The following MAPK8IP3 variants were observed in gnomAD, a reference collection of about 807,000 sequenced individuals.
The protein encoded by MAPK8IP3 is C-Jun-amino-terminal kinase-interacting protein 3.
In MAPK8IP3, 49 loss-of-function variants were observed where a neutral mutation model predicts 157.8. The observed-to-expected ratio is 0.31, with a 90% CI of 0.25 to 0.39. The LOEUF (loss-of-function observed/expected upper bound fraction) is 0.39. Ranked by LOEUF, MAPK8IP3 falls within the 10% of genes least tolerant of loss-of-function variation. The pLI is 1.00. For missense variants in MAPK8IP3, 1,478 were observed against 1,889.4 expected (o/e 0.78, Z 4.04); for synonymous variants, 897 against 777.7 (o/e 1.15, Z -2.55).
At position 1,706,787 on chromosome 16, in the gene MAPK8IP3, C is replaced by T; in HGVS notation, c.318+130C>T. On this transcript the variant is annotated intron_variant, in intron 1 of 31. Coordinates refer to ENST00000610761, the MANE Select transcript of MAPK8IP3 (RefSeq NM_001318852.2). This position sits in a 1 kb window ranked among gnomAD's most constrained non-coding sequence, Gnocchi z 5.1. Reference sequence around the variant, plus strand: ...CCGGACCGCGGGACCCCTGGACCCCCAGACCCCGCCCCGAGACCCGCCTGG... The same window carrying T: ...CCGGACCGCGGGACCCCTGGACCCCTAGACCCCGCCCCGAGACCCGCCTGG... 1.9e-6 allele frequency: 2 copies of T among 1,038,108 alleles called. No homozygotes were observed. Among genetic ancestry groups the T allele is most frequent in the East Asian group, 5.7e-5 (2 of 35,226 alleles). The allele number at this position is 1,038,108 out of a possible 1,614,324, so 64.3% of individuals were successfully genotyped here.
Position 1,741,804 on chromosome 16 carries a change from C to T in MAPK8IP3, c.603-1528C>T, listed in dbSNP as rs1303102950. On this transcript the variant is annotated intron_variant, in intron 4 of 31. Transcript: ENST00000610761. The surrounding 1 kb of genome is among the most constrained non-coding windows in gnomAD (Gnocchi z 6.9). ...CAAGATGGCACAGCCCAGTCCCAGC[C>T]GGCCCTGGTTCCCTCGTGCTACAGG... Among the ~76,000 whole-genome samples the T allele has an allele frequency of 2.6e-5, 4 of 152,122 alleles. No homozygotes were observed. Among genetic ancestry groups the T allele is most frequent in the Admixed American group, 6.5e-5 (1 of 15,276 alleles).
chr16:1,769,555 T>C lies in MAPK8IP3; in HGVS notation c.*731T>C, dbSNP rs2042488178. The C allele has an allele frequency of 6.6e-6, 1 of 152,426 alleles. No homozygotes were observed. Among genetic ancestry groups the C allele is most frequent in the Non-Finnish European group, 1.5e-5 (1 of 68,124 alleles). The allele number at this position is 152,426 out of a possible 1,614,324, so 9.4% of individuals were successfully genotyped here. A position where few individuals can be genotyped will look rare whatever the true frequency, so the allele number is the denominator to read the frequency against. ...CGTTCTGACCCGTGTCCCCCCAGGC[T>C]CTGCCTGGGCAGAAGACTCACCTTG... On this transcript the variant is annotated 3_prime_UTR_variant, in exon 32 of 32. Coordinates refer to ENST00000610761, the MANE Select transcript of MAPK8IP3 (RefSeq NM_001318852.2).
At position 1,766,894 on chromosome 16, in the gene MAPK8IP3, C is replaced by T. The variant is rs777358069; in HGVS notation, c.3021-10C>T. ...TGGCCCAAACCAGGCTCACCGCATT[C>T]CTGTTTCAGGCATGTCAAAGGCCGT... On this transcript the variant is annotated splice_polypyrimidine_tract_variant and intron_variant, in intron 24 of 31. Transcript: ENST00000610761. The T allele has an allele frequency of 1.9e-5, 31 of 1,605,724 alleles. No individual in the cohort carries two copies. Among genetic ancestry groups the T allele is most frequent in the Non-Finnish European group, 2.6e-5 (30 of 1,175,386 alleles).
chr16:1,739,206 G>A (rs371389608), intron 4 of MAPK8IP3, among the ~76,000 whole-genome samples: 42 of 133,018 alleles, frequency 3.2e-4, no homozygotes, highest in African/African-American at 1.1e-3. Context: ...GTCCGTGTGA[G>A]CGTCCGTGTG....
In MAPK8IP3 at chr16:1,753,618, T is replaced by G. The variant is rs535873562; in HGVS notation, c.1217-4530T>G. 6.6e-3 allele frequency among the ~76,000 whole-genome samples: 998 copies of G among 151,426 alleles called. 5 individuals carry two copies. The highest frequency in any genetic ancestry group is 0.011 in the Non-Finnish European group (727 of 67,844). The stretch of plus-strand genomic sequence containing the variant: ...ACCATGCCCGGCTAATTTTTTGTAT[T>G]TTTTAGTAGAGACGGGGTTTCACCA... On this transcript the variant is annotated intron_variant, in intron 8 of 31. Transcript: ENST00000610761.
chr16:1,758,827 C>G, intron 9 of MAPK8IP3, 151 bp from the exon 10 acceptor site: 1 of 728,186 alleles, frequency 1.4e-6, no homozygotes, highest in Non-Finnish European at 2.4e-6. Flanking sequence ...CTCCTAACTC[C>G]CTCCTGCACC....
intron 4 of MAPK8IP3, among the ~76,000 whole-genome samples, chr16:1,738,100 A>C (rs1380538880): frequency 1.5e-5 from 1 of 65,040 alleles, no homozygotes; most frequent in African/African-American, 7.8e-5. Flanking sequence ...CCATGTGAGC[A>C]TCCATGTGAC....
rs907527105 is a variant in MAPK8IP3, at chr16:1,762,891, C to G, written c.1783C>G (p.Pro595Ala). Residue 595 changes from proline to alanine, a missense_variant, in exon 16 of 32, where the codon CCC (proline) becomes GCC (alanine). Pro to Ala is a conservative substitution (Grantham distance 27, BLOSUM62 -1). Coordinates refer to ENST00000610761, the MANE Select transcript of MAPK8IP3 (RefSeq NM_001318852.2). ...CCCCCCTCCGGCCAAGCGCCCCTATCCCTCGGTGAACATCCACTACAAGTC... is the reference window on the plus strand; with the variant it reads ...CCCCCCTCCGGCCAAGCGCCCCTATGCCTCGGTGAACATCCACTACAAGTC... ...SSPPPAKRPY[P>A]SVNIHYKSPT... 13 of 1,613,064 alleles carry G rather than the reference C, an allele frequency of 8.1e-6. No homozygotes were observed. The highest frequency in any genetic ancestry group is 1.1e-5 in the Non-Finnish European group (13 of 1,179,994).
At position 1,742,248 on chromosome 16, in the gene MAPK8IP3, G is replaced by A. The variant is rs745799961; in HGVS notation, c.603-1084G>A. Among the ~76,000 whole-genome samples the A allele has an allele frequency of 4.6e-5, 7 of 152,204 alleles. No individual in the cohort carries two copies. Among genetic ancestry groups the A allele is most frequent in the Admixed American group, 1.3e-4 (2 of 15,288 alleles). ...CTGGAAACCTCCCGCGGAGGAGGAC[G>A]TAAAGGGAGACCTTGGGCTCCATCC... On this transcript the variant is annotated intron_variant, in intron 4 of 31. Coordinates refer to ENST00000610761, the MANE Select transcript of MAPK8IP3 (RefSeq NM_001318852.2). This position sits in a 1 kb window ranked among gnomAD's most constrained non-coding sequence, Gnocchi z 5.0.
chr16:1,758,118 T>G (rs1264845295), intron 8 of MAPK8IP3, 30 bp from the exon 9 acceptor site: 1 of 1,613,152 alleles, frequency 6.2e-7, no homozygotes, highest in Admixed American at 1.7e-5. Context: ...TTCCTTCCCC[T>G]GCCTCTCTGT....
chr16:1,756,145 G>C (rs567237860), intron 8 of MAPK8IP3, among the ~76,000 whole-genome samples: 1 of 152,172 alleles, frequency 6.6e-6, no homozygotes, highest in Non-Finnish European at 1.5e-5. Flanking sequence ...GGGCTGAAAA[G>C]TACCTCAAGC....
Position 1,730,768 on chromosome 16 carries a change from G to A in MAPK8IP3, c.602+1190G>A, listed in dbSNP as rs1478767262. ...TGAGGCAGGAGAATCACTTGAACCCGGGAGGCAGAGGTTGCAGTGAGCCAA... is the reference window on the plus strand; with the variant it reads ...TGAGGCAGGAGAATCACTTGAACCCAGGAGGCAGAGGTTGCAGTGAGCCAA... On this transcript the variant is annotated intron_variant, in intron 4 of 31. Coordinates refer to ENST00000610761, the MANE Select transcript of MAPK8IP3 (RefSeq NM_001318852.2). Among the ~76,000 whole-genome samples the A allele has an allele frequency of 3.3e-5, 5 of 151,276 alleles. No homozygotes were observed. The South Asian group carries it at 1.0e-3, about 32-fold the overall frequency.
chr16:1,735,947 AGT>A (rs1040141929), intron 4 of MAPK8IP3, among the ~76,000 whole-genome samples: 5 of 108,268 alleles, frequency 4.6e-5, no homozygotes, highest in African/African-American at 1.1e-4. Flanking sequence ...CGTCTGTGTG[AGT>A]GTGACCGCCC....
In MAPK8IP3 at chr16:1,743,733, T is replaced by C. The variant is rs2040812693; in HGVS notation, c.747+257T>C. 1 of 1,368,426 alleles carries C rather than the reference T, an allele frequency of 7.3e-7. No individual in the cohort carries two copies. The highest frequency in any genetic ancestry group is 3.7e-5 in the Admixed American group (1 of 27,270). 84.8% of individuals were successfully genotyped at this position (1,368,426 alleles called of 1,614,324 possible). ...TAGTCCAGGCTAGACCTCCCTGCCC[T>C]TGGATAGACCGCTCTGTAGCCAGGG... is the stretch of plus-strand genomic sequence containing the variant. On this transcript the variant is annotated intron_variant, in intron 5 of 31. Coordinates refer to ENST00000610761, the MANE Select transcript of MAPK8IP3 (RefSeq NM_001318852.2). The surrounding 1 kb of genome is among the most constrained non-coding windows in gnomAD (Gnocchi z 5.6).
At chr16:1,715,369 T>C (rs1041613745) in intron 1 of MAPK8IP3, among the ~76,000 whole-genome samples, 4 of 152,282 alleles carry the variant, frequency 2.6e-5, no homozygotes, top group Non-Finnish European at 4.4e-5. Context: ...CTCTGCATTT[T>C]AGACCTAGGT....
intron 1 of MAPK8IP3, among the ~76,000 whole-genome samples, chr16:1,715,848 C>T (rs1012009109): frequency 6.6e-6 from 1 of 151,890 alleles, no homozygotes; most frequent in Non-Finnish European, 1.5e-5. Context: ...GCCTCAGCCT[C>T]CTGAGTACCT....
At chr16:1,718,480 G>A (rs1414122881) in intron 1 of MAPK8IP3, among the ~76,000 whole-genome samples, 6 of 150,588 alleles carry the variant, frequency 4.0e-5, no homozygotes, top group East Asian at 2.0e-4. Flanking sequence ...CACCGCGCCC[G>A]GCTAATGATC....
At chr16:1,744,517 G>A (rs2040851206) in intron 5 of MAPK8IP3, 4 of 985,500 alleles carry the variant, frequency 4.1e-6, no homozygotes, top group Non-Finnish European at 4.8e-6. Context: ...GCTCAGGGCT[G>A]GAGAGAGGGT....
At chr16:1,720,672 A>G (rs1325671642) in intron 1 of MAPK8IP3, among the ~76,000 whole-genome samples, 2 of 152,184 alleles carry the variant, frequency 1.3e-5, no homozygotes, top group Non-Finnish European at 2.9e-5. Flanking sequence ...TTCCTGCAGA[A>G]ACATACATTG....
Sources: gnomAD v4.1 joint callset for allele counts (sites outside exome capture counted in the v4.1 genomes callset) on GRCh38, gnomAD v4.1.1 for gene constraint, Gnocchi (gnomAD v3.1) non-coding constraint, MANE v1.5 for transcripts, NCBI Gene and HGNC (gene_info 2026-07-23, HGNC 2026-07-21) for gene names.